Variants in MAP4K5 observed in about 807,000 individuals in gnomAD.
MAP4K5 encodes MAPK/ERK kinase kinase kinase 5.
Under a neutral mutation model 135.6 loss-of-function variants are expected in MAP4K5, and 82 were observed. The observed-to-expected ratio is 0.60, with a 90% CI of 0.51 to 0.73. The LOEUF (loss-of-function observed/expected upper bound fraction) is 0.73, where lower values mean the gene tolerates loss of function less well. Among genes scored for constraint, MAP4K5 ranks in the 30% least tolerant of loss-of-function variants. MAP4K5 has a pLI of 0.00. For synonymous variants in MAP4K5, 347 were observed against 335.0 expected (o/e 1.04, Z -0.39); for missense variants, 907 against 1,010.9 (o/e 0.90, Z 1.39).
chr14:50,458,597 CTCCTT>C (rs2036641802), intron 13 of MAP4K5, among the ~76,000 whole-genome samples: 1 of 152,058 alleles, frequency 6.6e-6, no homozygotes, highest in Admixed American at 6.6e-5. Flanking sequence ...CATTGAAACT[CTCCTT>C]TCTTCTTTCA....
At chr14:50,457,295 C>T (rs2036612450) in intron 13 of MAP4K5, among the ~76,000 whole-genome samples, 1 of 152,092 alleles carries the variant, frequency 6.6e-6, no homozygotes, top group Admixed American at 6.5e-5. Context: ...GTGGCATTGC[C>T]AATGTCAGCT....
chr14:50,506,489 G>A (rs2037812491), intron 2 of MAP4K5, among the ~76,000 whole-genome samples: 1 of 151,984 alleles, frequency 6.6e-6, no homozygotes, highest in Admixed American at 6.6e-5. Context: ...CTCCCAAGTG[G>A]CTGAGACTAC....
At chr14:50,512,787 CAA>C (rs2037957080) in intron 2 of MAP4K5, among the ~76,000 whole-genome samples, 1 of 152,064 alleles carries the variant, frequency 6.6e-6, no homozygotes, top group Admixed American at 6.5e-5. Flanking sequence ...CGCTATAATC[CAA>C]AAGAGTTTTG....
chr14:50,515,271 T>C (rs888460475), intron 2 of MAP4K5, among the ~76,000 whole-genome samples: 22 of 152,178 alleles, frequency 1.4e-4, no homozygotes, highest in African/African-American at 5.1e-4. Flanking sequence ...TTCTCTTGCC[T>C]CCACCACTCT....
At chr14:50,534,316 G>A (rs1170859556), upstream of MAP4K5, among the ~76,000 whole-genome samples, 4 of 152,204 alleles carry the variant, frequency 2.6e-5, no homozygotes, top group Admixed American at 6.5e-5. Flanking sequence ...AACCAGAACA[G>A]TGTGACAAAT....
chr14:50,508,659 T>C (rs1391202662), intron 2 of MAP4K5, among the ~76,000 whole-genome samples: 2 of 151,944 alleles, frequency 1.3e-5, no homozygotes, highest in African/African-American at 2.4e-5. Context: ...GGGACATGTA[T>C]ACATATGTAA....
intron 1 of MAP4K5, among the ~76,000 whole-genome samples, chr14:50,553,908 G>A (rs1360192954): frequency 6.6e-6 from 1 of 152,152 alleles, no homozygotes; most frequent in Non-Finnish European, 1.5e-5. Context: ...CTATGAGGAT[G>A]CAAAGGCATA....
chr14:50,456,128 T>C (rs994947268), intron 14 of MAP4K5, among the ~76,000 whole-genome samples: 12 of 152,112 alleles, frequency 7.9e-5, no homozygotes, highest in African/African-American at 2.7e-4. Context: ...ATATGGAAAT[T>C]AATTCTATTG....
At chr14:50,501,176 T>C (rs913178024) in intron 3 of MAP4K5, among the ~76,000 whole-genome samples, 7 of 152,094 alleles carry the variant, frequency 4.6e-5, no homozygotes, top group African/African-American at 1.7e-4. Flanking sequence ...AATCCCCAAA[T>C]AAACCAATGA....
At chr14:50,464,700 G>A (rs1291820762) in intron 11 of MAP4K5, among the ~76,000 whole-genome samples, 1 of 152,158 alleles carries the variant, frequency 6.6e-6, no homozygotes, top group African/African-American at 2.4e-5. Context: ...ACACAAAAAG[G>A]TATTTCTACC....
At chr14:50,424,725 AAAAG>A (rs1302697500) in intron 31 of MAP4K5, among the ~76,000 whole-genome samples, 1 of 147,606 alleles carries the variant, frequency 6.8e-6, no homozygotes. Flanking sequence ...AAAAAAAAAA[AAAAG>A]AGTTAAAAAT....
chr14:50,544,126 C>T (rs1217244558), intron 1 of MAP4K5, among the ~76,000 whole-genome samples: 1 of 152,202 alleles, frequency 6.6e-6, no homozygotes, highest in Non-Finnish European at 1.5e-5. Context: ...ATTCACATCT[C>T]TAATATTACT....
At chr14:50,438,889 T>G (rs1595436012) in intron 23 of MAP4K5, among the ~76,000 whole-genome samples, 1 of 152,180 alleles carries the variant, frequency 6.6e-6, no homozygotes, top group East Asian at 1.9e-4. Context: ...ATGTACCCTG[T>G]GTAATTTTTA....
At chr14:50,504,460 T>C (rs2037768150) in intron 3 of MAP4K5, among the ~76,000 whole-genome samples, 1 of 152,102 alleles carries the variant, frequency 6.6e-6, no homozygotes, top group Non-Finnish European at 1.5e-5. Context: ...ACAAATGTCA[T>C]TATCCCAAAT....
chr14:50,510,762 C>G (rs77240846), intron 2 of MAP4K5, among the ~76,000 whole-genome samples: 2,170 of 152,144 alleles, frequency 0.014, 41 homozygotes, highest in African/African-American at 0.05. Context: ...AGATGACAGT[C>G]CCTCTCCATC....
chr14:50,439,418 C>T (rs1167605389), intron 23 of MAP4K5, among the ~76,000 whole-genome samples: 1 of 151,146 alleles, frequency 6.6e-6, no homozygotes, highest in Admixed American at 6.6e-5. Context: ...ATGAGGTTAC[C>T]CTGGAATCTT....
At chr14:50,557,289 T>C (rs2038776219) in intron 1 of MAP4K5, among the ~76,000 whole-genome samples, 1 of 152,230 alleles carries the variant, frequency 6.6e-6, no homozygotes, top group Admixed American at 6.5e-5. Flanking sequence ...TAATCCCTAC[T>C]ACCCTCTTCC....
chr14:50,476,500 C>T (rs2037102285), intron 6 of MAP4K5, among the ~76,000 whole-genome samples, 194 bp from the exon 7 acceptor site: 1 of 152,198 alleles, frequency 6.6e-6, no homozygotes. Context: ...AGTCTCACTG[C>T]CCAGGCTGGA....
intron 2 of MAP4K5, among the ~76,000 whole-genome samples, chr14:50,511,546 T>A (rs894261275): frequency 1.3e-5 from 2 of 152,120 alleles, no homozygotes; most frequent in Non-Finnish European, 2.9e-5. Context: ...TAGTTTCAAA[T>A]AGCCAGGAAA....
Sources: gnomAD v4.1 joint callset for allele counts (sites outside exome capture counted in the v4.1 genomes callset) on GRCh38, gnomAD v4.1.1 for gene constraint, MANE v1.5 for transcripts, NCBI Gene and HGNC (gene_info 2026-07-23, HGNC 2026-07-21) for gene names.